The following ASTN2 variants were observed in gnomAD, a reference collection of about 807,000 sequenced individuals.
The protein encoded by ASTN2 is astrotactin 2.
Under a neutral mutation model 139.8 loss-of-function variants are expected in ASTN2, and 54 were observed. That is an observed-to-expected ratio of 0.39 (90% CI 0.31 to 0.48). The LOEUF is 0.48. ASTN2 is among the 20% of genes least tolerant of loss of function. The probability of loss-of-function intolerance (pLI) is 0.95; values close to 1 mark genes in which losing one functional copy is unlikely to be tolerated. For synonymous variants in ASTN2, 756 were observed against 719.5 expected (o/e 1.05, Z -0.81); for missense variants, 1,565 against 1,725.1 (o/e 0.91, Z 1.64).
At chr9:116,721,969 C>T (rs1427414881) in intron 16 of ASTN2, among the ~76,000 whole-genome samples, 10 of 152,152 alleles carry the variant, frequency 6.6e-5, no homozygotes. Context: ...ACCAACTGAT[C>T]ATCTCAATGA....
At chr9:116,770,317 G>T (rs918063864) in intron 13 of ASTN2, among the ~76,000 whole-genome samples, 3 of 152,016 alleles carry the variant, frequency 2.0e-5, no homozygotes, top group Non-Finnish European at 4.4e-5. Context: ...TCAGATCTAG[G>T]GGTCTATACC....
chr9:116,949,402 T>C (rs890484460), intron 10 of ASTN2, among the ~76,000 whole-genome samples: 16 of 136,862 alleles, frequency 1.2e-4, no homozygotes, highest in African/African-American at 3.2e-4. Context: ...TATGAAAATA[T>C]ACTAGAGAAG....
intron 1 of ASTN2, among the ~76,000 whole-genome samples, chr9:117,307,421 G>T (rs980894789): frequency 6.6e-6 from 1 of 152,308 alleles, no homozygotes. Context: ...GAGTATTTCT[G>T]TATGTGTGCA....
At chr9:116,953,322 G>A (rs1346484547) in intron 10 of ASTN2, among the ~76,000 whole-genome samples, 1 of 152,222 alleles carries the variant, frequency 6.6e-6, no homozygotes, top group Admixed American at 6.5e-5. Context: ...GTATCTGTTT[G>A]ACTTCTAAAC....
At chr9:116,603,242 G>GA (rs1471338245) in intron 19 of ASTN2, among the ~76,000 whole-genome samples, 1 of 152,164 alleles carries the variant, frequency 6.6e-6, no homozygotes, top group African/African-American at 2.4e-5. Context: ...GATAGATGGA[G>GA]AAAAAGGAAT....
intron 12 of ASTN2, among the ~76,000 whole-genome samples, chr9:116,814,831 T>C (rs1029344914): frequency 2.0e-5 from 3 of 152,224 alleles, no homozygotes; most frequent in African/African-American, 7.2e-5. Flanking sequence ...TAATGTTCCA[T>C]ACAATCCACA....
chr9:116,678,546 A>T (rs148940912), intron 16 of ASTN2, among the ~76,000 whole-genome samples: 5 of 152,294 alleles, frequency 3.3e-5, no homozygotes, highest in African/African-American at 1.2e-4. Flanking sequence ...AATTTTGTCT[A>T]GTTCAGAGGG....
chr9:116,884,329 C>A (rs149242105), intron 10 of ASTN2, among the ~76,000 whole-genome samples: 8 of 152,236 alleles, frequency 5.3e-5, no homozygotes, highest in African/African-American at 1.9e-4. Flanking sequence ...CTTGGATAGT[C>A]ACTTCCTGTG....
chr9:117,215,732 T>C (rs139181398), intron 2 of ASTN2, among the ~76,000 whole-genome samples: 22 of 152,258 alleles, frequency 1.4e-4, no homozygotes, highest in African/African-American at 5.3e-4. Flanking sequence ...TCAATTGTTC[T>C]GTGCCAGAAA....
intron 5 of ASTN2, among the ~76,000 whole-genome samples, chr9:117,065,144 C>T (rs964857619): frequency 6.6e-6 from 1 of 152,132 alleles, no homozygotes; most frequent in South Asian, 2.1e-4. Context: ...GGATTGCTGA[C>T]AGCTCCAGGA....
At chr9:116,470,488 T>C (rs911646537) in intron 20 of ASTN2, among the ~76,000 whole-genome samples, 3 of 152,154 alleles carry the variant, frequency 2.0e-5, no homozygotes, top group Non-Finnish European at 4.4e-5. Context: ...TTTGACTTCT[T>C]TGGGCTTTGG....
rs568510205 is a variant in ASTN2, at chr9:116,978,498, C to A, written c.1592-1713G>T. 5.8e-5 allele frequency among the ~76,000 whole-genome samples: 7 copies of A among 120,004 alleles called. No individual in the cohort carries two copies. The South Asian group carries it at 1.6e-3, about 28-fold the overall frequency. The allele number at this position is 120,004 out of a possible 152,430, so 78.7% of individuals were successfully genotyped here. ...TCTCTCTCTCTCTCTCTCTCACGCA[C>A]ACACACACACACACACACACACACA... On this transcript the variant is annotated intron_variant, in intron 7 of 22. Transcript: ENST00000313400.
intron 5 of ASTN2, among the ~76,000 whole-genome samples, chr9:117,044,541 A>G (rs951129953): frequency 1.3e-5 from 2 of 152,176 alleles, no homozygotes; most frequent in Non-Finnish European, 2.9e-5. Flanking sequence ...AGCATTTAGT[A>G]AGTAAGGGTT....
intron 6 of ASTN2, among the ~76,000 whole-genome samples, chr9:117,011,995 C>T (rs936193418): frequency 1.3e-5 from 2 of 152,116 alleles, no homozygotes; most frequent in Admixed American, 6.6e-5. Flanking sequence ...CTCTCATAGA[C>T]CGTGATTTCC....
chr9:117,413,604 A>C (rs1831235319), intron 1 of ASTN2, among the ~76,000 whole-genome samples: 1 of 152,200 alleles, frequency 6.6e-6, no homozygotes, highest in Non-Finnish European at 1.5e-5. Flanking sequence ...GCTCCACTGA[A>C]GGGCCGACTC....
intron 19 of ASTN2, among the ~76,000 whole-genome samples, chr9:116,579,978 C>T (rs534345615): frequency 1.3e-3 from 195 of 152,262 alleles, no homozygotes; most frequent in African/African-American, 4.2e-3. Flanking sequence ...CGTGCCACCA[C>T]GCCCGGCTAA....
At chr9:117,403,846 C>T (rs1830907309) in intron 1 of ASTN2, among the ~76,000 whole-genome samples, 1 of 152,224 alleles carries the variant, frequency 6.6e-6, no homozygotes, top group East Asian at 1.9e-4. Flanking sequence ...TCCCTGCTTC[C>T]CCCAGCTTCC....
At chr9:117,373,093 T>G (rs752214243) in intron 1 of ASTN2, among the ~76,000 whole-genome samples, 1 of 152,166 alleles carries the variant, frequency 6.6e-6, no homozygotes, top group African/African-American at 2.4e-5. Context: ...TCATTGTTAT[T>G]AGAGGAACAC....
chr9:117,332,669 A>G (rs1828750148), intron 1 of ASTN2, among the ~76,000 whole-genome samples: 3 of 152,230 alleles, frequency 2.0e-5, no homozygotes, highest in Admixed American at 2.0e-4. Flanking sequence ...GCCTAAAGCA[A>G]GAGCTAACAC....
Sources: allele counts gnomAD v4.1 joint callset (sites outside exome capture counted in the v4.1 genomes callset), GRCh38; gene constraint gnomAD v4.1.1; transcripts MANE v1.5; gene names NCBI Gene and HGNC (gene_info 2026-07-23, HGNC 2026-07-21).